Variants in PTPRO observed in about 807,000 individuals in gnomAD.
The protein encoded by PTPRO is receptor-type tyrosine-protein phosphatase O.
PTPRO carries 62 observed loss-of-function variants against 145.2 expected under a neutral mutation model. The ratio of observed to expected loss-of-function variants is 0.43; its 90% confidence interval spans 0.35 to 0.53. The LOEUF is 0.53. Ranked by LOEUF, PTPRO falls within the 20% of genes least tolerant of loss-of-function variation. PTPRO has a pLI of 0.01. For synonymous variants in PTPRO, 565 were observed against 514.7 expected (o/e 1.10, Z -1.32); for missense variants, 1,345 against 1,482.7 (o/e 0.91, Z 1.53).
rs1944277915 is a variant in PTPRO at position 15,580,118 on chromosome 12, A to G, written c.2997+3A>G. 6.2e-7 allele frequency: 1 copy of G among 1,608,622 alleles called. No individual in the cohort carries two copies. The highest frequency in any genetic ancestry group is 1.3e-5 in the African/African-American group (1 of 74,852). ...ACATCAATGCCAACTATATTCCTGT[A>G]AGTAGAAAAAAAAAATCAGGCATCC... On this transcript the variant is annotated splice_donor_region_variant and intron_variant, in intron 21 of 26. Coordinates refer to ENST00000281171, the MANE Select transcript of PTPRO (RefSeq NM_030667.3).
rs144234474 is a variant in PTPRO at position 15,366,168 on chromosome 12, T to C, written c.75+43367T>C. Among the ~76,000 whole-genome samples, 670 of 152,366 alleles carry C rather than the reference T, an allele frequency of 4.4e-3. 17 individuals are homozygous for C. The highest frequency in any genetic ancestry group is 0.039 in the Admixed American group (598 of 15,294). ...AAAACTTATTCATGTTTTTCTGTTT[T>C]GTTCCTTGTGATATTTCCATATGGT... On this transcript the variant is annotated intron_variant, in intron 1 of 26. Coordinates refer to ENST00000281171, the MANE Select transcript of PTPRO (RefSeq NM_030667.3).
At chr12:15,481,856 T>C (rs1232675888) in intron 1 of PTPRO, among the ~76,000 whole-genome samples, 1 of 152,194 alleles carries the variant, frequency 6.6e-6, no homozygotes, top group African/African-American at 2.4e-5. Context: ...TTGTGTGCTT[T>C]GGTTGCTGAA....
intron 9 of PTPRO, 80 bp downstream of exon 9, chr12:15,517,036 TTATC>T: frequency 7.7e-7 from 1 of 1,297,546 alleles, no homozygotes. Flanking sequence ...CTTTAAGAAA[TTATC>T]TATAAATTTG....
chr12:15,511,654 C>A (rs1209131362), intron 7 of PTPRO, among the ~76,000 whole-genome samples: 2 of 152,200 alleles, frequency 1.3e-5, no homozygotes, highest in African/African-American at 4.8e-5. Context: ...CAACTTCCGC[C>A]TCCTGGGTTC....
At chr12:15,398,335 G>A (rs1290787230) in intron 1 of PTPRO, among the ~76,000 whole-genome samples, 1 of 152,012 alleles carries the variant, frequency 6.6e-6, no homozygotes, top group Non-Finnish European at 1.5e-5. Context: ...TAGTTCTTTG[G>A]CACCCTGAAG....
intron 1 of PTPRO, among the ~76,000 whole-genome samples, chr12:15,425,049 T>C (rs915786943): frequency 6.6e-6 from 1 of 152,182 alleles, no homozygotes; most frequent in African/African-American, 2.4e-5. Context: ...CAGTGATCTT[T>C]GATTTACCTG....
intron 25 of PTPRO, among the ~76,000 whole-genome samples, chr12:15,592,241 C>A (rs547208475): frequency 1.3e-5 from 2 of 152,272 alleles, no homozygotes; most frequent in East Asian, 3.9e-4. Context: ...GCTGCCAGGT[C>A]ACAAAAGTTA....
chr12:15,389,257 C>A (rs1295716882), intron 1 of PTPRO, among the ~76,000 whole-genome samples: 3 of 151,934 alleles, frequency 2.0e-5, no homozygotes, highest in Admixed American at 2.0e-4. Context: ...GCGCCCGCCA[C>A]CATGCCTGGC....
At chr12:15,350,522 G>A (rs980084535) in intron 1 of PTPRO, among the ~76,000 whole-genome samples, 1 of 152,234 alleles carries the variant, frequency 6.6e-6, no homozygotes, top group Non-Finnish European at 1.5e-5. Flanking sequence ...GAAGGCTGGT[G>A]TTGCAACTGA....
intron 2 of PTPRO, among the ~76,000 whole-genome samples, chr12:15,493,104 A>T (rs1942032453): frequency 6.6e-6 from 1 of 152,144 alleles, no homozygotes; most frequent in African/African-American, 2.4e-5. Context: ...CAAGAGAAAA[A>T]AAGCGAAGTA....
At chr12:15,468,861 T>C (rs1346246001) in intron 1 of PTPRO, among the ~76,000 whole-genome samples, 1 of 152,222 alleles carries the variant, frequency 6.6e-6, no homozygotes, top group Non-Finnish European at 1.5e-5. Context: ...TCTGCCTATA[T>C]AGGGATCAGT....
Position 15,528,164 on chromosome 12 carries a change from C to G in PTPRO, c.2164+1902C>G, listed in dbSNP as rs75695606. Among the ~76,000 whole-genome samples, 208 of 151,490 alleles carry G rather than the reference C, an allele frequency of 1.4e-3. 2 individuals carry two copies. In the East Asian group the frequency reaches 0.018, roughly 13 times the overall value. On this transcript the variant is annotated intron_variant, in intron 12 of 26. Coordinates refer to ENST00000281171, the MANE Select transcript of PTPRO (RefSeq NM_030667.3). ...GCTAAAAGCCTATCTGAAAATACAC[C>G]ATTGGAGGAGAAAAAAGAAAAATAA...
intron 7 of PTPRO, among the ~76,000 whole-genome samples, chr12:15,512,737 T>C (rs1252875277): frequency 2.0e-5 from 3 of 152,184 alleles, no homozygotes; most frequent in Non-Finnish European, 4.4e-5. Context: ...TTCACGCCTG[T>C]AATCCTAGCA....
chr12:15,427,173 C>T (rs1396185131), intron 1 of PTPRO, among the ~76,000 whole-genome samples: 3 of 151,892 alleles, frequency 2.0e-5, no homozygotes, highest in Admixed American at 6.6e-5. Flanking sequence ...ATTCCTTTTT[C>T]TCTTTATTCC....
In PTPRO at chr12:15,378,182, CAG is replaced by C. The variant is rs1418113383; in HGVS notation, c.75+55385_75+55386del. On this transcript the variant is annotated intron_variant, in intron 1 of 26. Transcript: ENST00000281171. ...TAAATGAAATGGAGAATTAAAAAAA[CAG>C]AGAAAAATCAAAGAAACCAAACTTG... 5.3e-5 allele frequency among the ~76,000 whole-genome samples: 8 copies of C among 150,890 alleles called. No individual in the cohort carries two copies. The East Asian group carries it at 7.8e-4, about 15-fold the overall frequency.
intron 9 of PTPRO, among the ~76,000 whole-genome samples, chr12:15,519,077 A>T (rs769490405): frequency 6.6e-6 from 1 of 152,196 alleles, no homozygotes; most frequent in African/African-American, 2.4e-5. Context: ...TTACAAAAGA[A>T]GGAGGTTTAA....
intron 1 of PTPRO, among the ~76,000 whole-genome samples, chr12:15,402,865 G>A (rs1054976530): frequency 7.9e-5 from 12 of 152,098 alleles, no homozygotes; most frequent in African/African-American, 1.7e-4. Flanking sequence ...GAAGATTAAC[G>A]TCAACATAAC....
intron 1 of PTPRO, among the ~76,000 whole-genome samples, chr12:15,464,306 C>T (rs1322413408): frequency 6.6e-6 from 1 of 152,062 alleles, no homozygotes; most frequent in Admixed American, 6.6e-5. Context: ...AACACACAGC[C>T]ACTGGTGAAA....
At chr12:15,539,072 G>A (rs1179847414) in intron 12 of PTPRO, among the ~76,000 whole-genome samples, 1 of 151,964 alleles carries the variant, frequency 6.6e-6, no homozygotes, top group Non-Finnish European at 1.5e-5. Context: ...AAATAAAAAT[G>A]CTAAGTAAAA....
Sources: gnomAD v4.1 joint callset for allele counts (sites outside exome capture counted in the v4.1 genomes callset) on GRCh38, gnomAD v4.1.1 for gene constraint, MANE v1.5 for transcripts, NCBI Gene and HGNC (gene_info 2026-07-23, HGNC 2026-07-21) for gene names.